ITGA9: variants seen among roughly 807,000 people sequenced by gnomAD.
ITGA9 encodes the protein integrin subunit alpha 9, also known as integrin alpha-9.
Under a neutral mutation model 127.8 loss-of-function variants are expected in ITGA9, and 56 were observed. The ratio of observed to expected loss-of-function variants is 0.44; its 90% confidence interval spans 0.35 to 0.55. The LOEUF is 0.55. Among genes scored for constraint, ITGA9 ranks in the 20% least tolerant of loss-of-function variants. The pLI is 0.00. For synonymous variants in ITGA9, 508 were observed against 514.5 expected (o/e 0.99, Z 0.17); for missense variants, 1,196 against 1,347.1 (o/e 0.89, Z 1.76).
intron 23 of ITGA9, among the ~76,000 whole-genome samples, chr3:37,768,913 C>G (rs775103693): frequency 6.6e-6 from 1 of 151,982 alleles, no homozygotes; most frequent in Non-Finnish European, 1.5e-5. Flanking sequence ...ATTGGTGATG[C>G]ACGCATTCAA....
rs1697411406 is a variant in ITGA9 at position 37,814,883 on chromosome 3, G to A, written c.3010-4008G>A. On this transcript the variant is annotated intron_variant, in intron 27 of 27. Coordinates refer to ENST00000264741, the MANE Select transcript of ITGA9 (RefSeq NM_002207.3). This position sits in a 1 kb window ranked among gnomAD's most constrained non-coding sequence, Gnocchi z 4.3. Reference sequence around the variant, plus strand: ...GCCATGAGAGTGCATTATGTTTTAAGAAATGGTCTTCAGACTCTAAAAAAA... The same window carrying A: ...GCCATGAGAGTGCATTATGTTTTAAAAAATGGTCTTCAGACTCTAAAAAAA... Among the ~76,000 whole-genome samples the A allele has an allele frequency of 6.6e-6, 1 of 152,160 alleles. No homozygotes were observed. The highest frequency in any genetic ancestry group is 2.1e-4 in the South Asian group (1 of 4,828).
At chr3:37,706,282 C>G (rs968815555) in intron 18 of ITGA9, among the ~76,000 whole-genome samples, 13 of 152,322 alleles carry the variant, frequency 8.5e-5, no homozygotes, top group Admixed American at 5.9e-4. Context: ...TTCTCCCTTT[C>G]CGTCTCAGTT....
intron 26 of ITGA9, among the ~76,000 whole-genome samples, chr3:37,794,547 G>A (rs1423792529): frequency 6.6e-6 from 1 of 152,192 alleles, no homozygotes; most frequent in African/African-American, 2.4e-5. Context: ...TGCAGTCAAG[G>A]GGAGAATGAA....
chr3:37,596,502 C>G (rs1699872360), intron 15 of ITGA9, among the ~76,000 whole-genome samples: 1 of 152,144 alleles, frequency 6.6e-6, no homozygotes, highest in Non-Finnish European at 1.5e-5. Context: ...TGAGAGCTAG[C>G]CTGACTTTCT....
chr3:37,688,450 T>C (rs73827027), intron 18 of ITGA9, among the ~76,000 whole-genome samples: 60 of 152,208 alleles, frequency 3.9e-4, no homozygotes, highest in African/African-American at 1.4e-3. Flanking sequence ...TTTAAAAGAT[T>C]AATAAAAATA....
intron 25 of ITGA9, among the ~76,000 whole-genome samples, chr3:37,781,780 C>T (rs1696978450): frequency 6.6e-6 from 1 of 152,188 alleles, no homozygotes. Context: ...AAAAGTCATT[C>T]TGTGGTTATT....
At chr3:37,660,650 A>G (rs1454793872) in intron 17 of ITGA9, among the ~76,000 whole-genome samples, 9 of 152,114 alleles carry the variant, frequency 5.9e-5, no homozygotes, top group Non-Finnish European at 1.3e-4. Flanking sequence ...CAGTCCCCCC[A>G]TATGTATCAG....
At chr3:37,623,745 C>T (rs572654302) in intron 15 of ITGA9, among the ~76,000 whole-genome samples, 3 of 151,236 alleles carry the variant, frequency 2.0e-5, no homozygotes, top group South Asian at 2.1e-4. Flanking sequence ...CGTGGGAGGA[C>T]GGTTTCAGTA....
chr3:37,520,423 A>T (rs1374364406), intron 11 of ITGA9, among the ~76,000 whole-genome samples: 1 of 152,184 alleles, frequency 6.6e-6, no homozygotes, highest in Non-Finnish European at 1.5e-5. Flanking sequence ...AGGCCCAAGG[A>T]GGTTATTTAA....
At chr3:37,722,733 G>A (rs1289219602) in intron 18 of ITGA9, among the ~76,000 whole-genome samples, 1 of 152,308 alleles carries the variant, frequency 6.6e-6, no homozygotes, top group Middle Eastern at 3.4e-3. Flanking sequence ...CTGGACATTA[G>A]ATTGTTTCCA....
chr3:37,646,616 T>G (rs1700379009), intron 16 of ITGA9, among the ~76,000 whole-genome samples: 1 of 152,222 alleles, frequency 6.6e-6, no homozygotes, highest in Admixed American at 6.5e-5. Flanking sequence ...CTGTTTACAT[T>G]TGCTGGAAAA....
chr3:37,587,892 G>A (rs191033760), intron 15 of ITGA9, among the ~76,000 whole-genome samples: 176 of 152,238 alleles, frequency 1.2e-3, no homozygotes, highest in Non-Finnish European at 1.7e-3. Flanking sequence ...TATGTTAAAC[G>A]GACTCTCCTG....
chr3:37,608,656 C>T (rs185287539), intron 15 of ITGA9, among the ~76,000 whole-genome samples: 83 of 152,290 alleles, frequency 5.5e-4, no homozygotes, highest in Non-Finnish European at 5.6e-4. Context: ...AGACACTTCT[C>T]TCTTCCAATA....
chr3:37,667,295 A>G (rs993926355), intron 17 of ITGA9, among the ~76,000 whole-genome samples: 1 of 152,176 alleles, frequency 6.6e-6, no homozygotes, highest in African/African-American at 2.4e-5. Context: ...ACTATTCTCT[A>G]TTGCATTCGT....
intron 19 of ITGA9, among the ~76,000 whole-genome samples, chr3:37,735,738 G>A (rs989689516): frequency 6.6e-6 from 1 of 152,086 alleles, no homozygotes; most frequent in Non-Finnish European, 1.5e-5. Context: ...TTTACTTAGG[G>A]CAGTGCCCCC....
intron 1 of ITGA9, among the ~76,000 whole-genome samples, chr3:37,456,819 G>A (rs1247236376): frequency 6.6e-6 from 1 of 152,226 alleles, no homozygotes; most frequent in African/African-American, 2.4e-5. Flanking sequence ...GATAGTTCTG[G>A]TGAGCTGTCT....
At chr3:37,743,056 A>G (rs972951315) in intron 21 of ITGA9, among the ~76,000 whole-genome samples, 1 of 152,180 alleles carries the variant, frequency 6.6e-6, no homozygotes. Flanking sequence ...CCTTGTTGGG[A>G]GGTGTTAACA....
intron 16 of ITGA9, among the ~76,000 whole-genome samples, chr3:37,646,835 C>T (rs1700382578): frequency 6.6e-6 from 1 of 152,006 alleles, no homozygotes; most frequent in South Asian, 2.1e-4. Context: ...TGGGATTGTT[C>T]CCTCAGAGGA....
intron 4 of ITGA9, among the ~76,000 whole-genome samples, chr3:37,484,919 C>T (rs1340604826): frequency 2.6e-5 from 4 of 152,286 alleles, no homozygotes; most frequent in South Asian, 2.1e-4. Flanking sequence ...ATGCCATGTA[C>T]AACATACTGT....
Sources: gnomAD v4.1 joint callset for allele counts (sites outside exome capture counted in the v4.1 genomes callset) on GRCh38, gnomAD v4.1.1 for gene constraint, Gnocchi (gnomAD v3.1) non-coding constraint, MANE v1.5 for transcripts, NCBI Gene and HGNC (gene_info 2026-07-23, HGNC 2026-07-21) for gene names.